The following MAML2 variants were observed in gnomAD, a reference collection of about 807,000 sequenced individuals.
MAML2 encodes the protein mastermind like transcriptional coactivator 2, also known as mastermind-like protein 2.
MAML2 carries 22 observed loss-of-function variants against 96.1 expected under a neutral mutation model. That is an observed-to-expected ratio of 0.23 (90% confidence interval 0.16 to 0.33). The LOEUF (loss-of-function observed/expected upper bound fraction) is 0.33. Among genes scored for constraint, MAML2 ranks in the 10% least tolerant of loss-of-function variants. The probability of loss-of-function intolerance (pLI) is 1.00; values close to 1 mark genes in which losing one functional copy is unlikely to be tolerated. For missense variants in MAML2, 1,367 were observed against 1,392.4 expected (o/e 0.98, Z 0.29); for synonymous variants, 561 against 521.3 (o/e 1.08, Z -1.04).
At chr11:96,328,615 A>C (rs1022486830) in intron 1 of MAML2, among the ~76,000 whole-genome samples, 1 of 152,218 alleles carries the variant, frequency 6.6e-6, no homozygotes. Context: ...ATCAAGAGAT[A>C]GGGAGGGAGA....
intron 1 of MAML2, among the ~76,000 whole-genome samples, chr11:96,183,393 TCC>T (rs1177195850): frequency 2.4e-5 from 2 of 81,884 alleles, no homozygotes; most frequent in Non-Finnish European, 4.5e-5. Context: ...CCTCCGTTCC[TCC>T]CCCCCCCCCC....
At chr11:96,045,763 T>C (rs1190407078) in intron 2 of MAML2, among the ~76,000 whole-genome samples, 1 of 152,198 alleles carries the variant, frequency 6.6e-6, no homozygotes, top group Non-Finnish European at 1.5e-5. Flanking sequence ...AACTTCCTTG[T>C]AGAGCCTAGA....
intron 1 of MAML2, among the ~76,000 whole-genome samples, chr11:96,187,786 C>T (rs1861594993): frequency 7.9e-6 from 1 of 127,224 alleles, no homozygotes; most frequent in African/African-American, 3.0e-5. Context: ...GAGTGAAACT[C>T]TGTCTCAAAA....
At chr11:96,135,182 A>AAT (rs780008837) in intron 1 of MAML2, among the ~76,000 whole-genome samples, 8 of 152,164 alleles carry the variant, frequency 5.3e-5, no homozygotes, top group Non-Finnish European at 1.2e-4. Context: ...GTTCCTAATA[A>AAT]AATAATAACT....
At chr11:96,122,268 C>T (rs922932613) in intron 1 of MAML2, among the ~76,000 whole-genome samples, 4 of 151,942 alleles carry the variant, frequency 2.6e-5, no homozygotes, top group African/African-American at 9.7e-5. Context: ...ATTTCTAAAA[C>T]CTAATTCTCT....
intron 1 of MAML2, among the ~76,000 whole-genome samples, chr11:96,328,331 T>G (rs1863812353): frequency 6.6e-6 from 1 of 152,002 alleles, no homozygotes; most frequent in Admixed American, 6.6e-5. Context: ...AATTCTAAGG[T>G]GCTTAGAGGT....
At chr11:96,044,086 A>G (rs1299892205) in intron 2 of MAML2, among the ~76,000 whole-genome samples, 1 of 152,202 alleles carries the variant, frequency 6.6e-6, no homozygotes, top group Non-Finnish European at 1.5e-5. Flanking sequence ...GTTACAAGCT[A>G]AGGTAGGAAT....
Position 95,978,203 on chromosome 11 carries a change from A to G in MAML2, c.*745T>C, listed in dbSNP as rs1407314974. The G allele has an allele frequency of 9.5e-6, 2 of 209,842 alleles. No homozygotes were observed. 13.0% of individuals were successfully genotyped at this position (209,842 alleles called of 1,614,324 possible). ...CCAATATTTCAGTATGATTAGGACAAGTCTTTGTTATATCTAAAATTTCAT... is the reference window on the plus strand; with the variant it reads ...CCAATATTTCAGTATGATTAGGACAGGTCTTTGTTATATCTAAAATTTCAT... On this transcript the variant is annotated 3_prime_UTR_variant, in exon 5 of 5. Coordinates refer to ENST00000524717, the MANE Select transcript of MAML2 (RefSeq NM_032427.4).
intron 1 of MAML2, among the ~76,000 whole-genome samples, chr11:96,206,464 G>A (rs539714152): frequency 6.6e-6 from 1 of 152,150 alleles, no homozygotes; most frequent in Non-Finnish European, 1.5e-5. Context: ...GCCAGGCATG[G>A]TTGTGTACCT....
intron 1 of MAML2, among the ~76,000 whole-genome samples, chr11:96,217,463 T>G (rs1862067647): frequency 6.6e-6 from 1 of 152,236 alleles, no homozygotes; most frequent in South Asian, 2.1e-4. Context: ...CATATTTAGA[T>G]TCCATGCTTC....
At chr11:96,208,526 A>T (rs890334634) in intron 1 of MAML2, among the ~76,000 whole-genome samples, 1 of 152,252 alleles carries the variant, frequency 6.6e-6, no homozygotes, top group African/African-American at 2.4e-5. Flanking sequence ...ATGTAGAGAT[A>T]CTTGAAGTAA....
In MAML2 at chr11:96,342,714, T is replaced by A; in HGVS notation, c.-819A>T. On this transcript the variant is annotated 5_prime_UTR_variant, in exon 1 of 5. Coordinates refer to ENST00000524717, the MANE Select transcript of MAML2 (RefSeq NM_032427.4). ...TCAGCTAATCCAATCACCGGTAAAA[T>A]CCTCACTCCCTCTAAGGTTTCCTAG... 1 of 336,046 alleles carries A rather than the reference T, an allele frequency of 3.0e-6. No homozygotes were observed. The highest frequency in any genetic ancestry group is 5.3e-6 in the Non-Finnish European group (1 of 187,180). The allele number at this position is 336,046 out of a possible 1,614,324, so 20.8% of individuals were successfully genotyped here.
chr11:96,034,711 C>G (rs1858684781), intron 2 of MAML2, among the ~76,000 whole-genome samples: 1 of 152,064 alleles, frequency 6.6e-6, no homozygotes. Context: ...CATTTAGCAT[C>G]ACGAGAAATC....
chr11:96,146,998 C>T (rs368317278), intron 1 of MAML2, among the ~76,000 whole-genome samples: 13 of 152,274 alleles, frequency 8.5e-5, no homozygotes, highest in African/African-American at 2.9e-4. Flanking sequence ...AACCTTTCAG[C>T]TACCCCAGAG....
intron 1 of MAML2, among the ~76,000 whole-genome samples, chr11:96,098,786 G>A (rs772841699): frequency 6.6e-6 from 1 of 152,226 alleles, no homozygotes; most frequent in Non-Finnish European, 1.5e-5. Context: ...GTATGAGAAC[G>A]CCTAGGAACA....
chr11:96,059,225 G>A (rs973825145), intron 2 of MAML2, among the ~76,000 whole-genome samples: 1 of 152,132 alleles, frequency 6.6e-6, no homozygotes, highest in Admixed American at 6.5e-5. Context: ...GCATAAGATG[G>A]TAATTCTGCA....
chr11:96,077,215 C>CTTTT (rs1565207022), intron 2 of MAML2, among the ~76,000 whole-genome samples: 2 of 61,810 alleles, frequency 3.2e-5, no homozygotes, highest in African/African-American at 1.3e-4. Flanking sequence ...CCAACTCTCT[C>CTTTT]TCTCTTTTTT....
chr11:96,163,720 G>A (rs909702566), intron 1 of MAML2, among the ~76,000 whole-genome samples: 7 of 152,164 alleles, frequency 4.6e-5, no homozygotes, highest in South Asian at 2.1e-4. Flanking sequence ...TTCTGGAAGG[G>A]TCCTGAATAC....
At chr11:96,172,915 T>C (rs1861320592) in intron 1 of MAML2, among the ~76,000 whole-genome samples, 1 of 152,220 alleles carries the variant, frequency 6.6e-6, no homozygotes, top group Admixed American at 6.5e-5. Flanking sequence ...TCTCGATATG[T>C]AGAACACCAC....
Sources: gnomAD v4.1 joint callset for allele counts (sites outside exome capture counted in the v4.1 genomes callset) on GRCh38, gnomAD v4.1.1 for gene constraint, MANE v1.5 for transcripts, NCBI Gene and HGNC (gene_info 2026-07-23, HGNC 2026-07-21) for gene names.